Variants in RETSAT observed in about 807,000 individuals in gnomAD.
RETSAT encodes the protein all-trans-retinol 13,14-reductase.
A neutral mutation model predicts 61.6 loss-of-function variants in RETSAT; 35 were observed. That is an observed-to-expected ratio of 0.57 (90% CI 0.43 to 0.75). The LOEUF is 0.75. Among genes scored for constraint, RETSAT ranks in the 30% least tolerant of loss-of-function variants. The pLI, the probability that RETSAT is intolerant of heterozygous loss-of-function variation, is 0.00. For missense variants in RETSAT, 670 were observed against 759.5 expected (o/e 0.88, Z 1.38); for synonymous variants, 277 against 310.4 (o/e 0.89, Z 1.13).
In RETSAT at chr2:85,349,996, G is replaced by A. The variant is rs138751263; in HGVS notation, c.799+44C>T. The A allele has an allele frequency of 2.7e-5, 43 of 1,563,732 alleles. No individual in the cohort carries two copies. In the Admixed American group the frequency reaches 3.5e-4, roughly 13 times the overall value. ...AAGATTGAGAGATGAGAGGGCAGCCGTTCCTCCTCCAGAAGCTGCCCAGAG... is the reference window on the plus strand; with the variant it reads ...AAGATTGAGAGATGAGAGGGCAGCCATTCCTCCTCCAGAAGCTGCCCAGAG... On this transcript the variant is annotated intron_variant, in intron 4 of 10. Coordinates refer to ENST00000295802, the MANE Select transcript of RETSAT (RefSeq NM_017750.4).
rs961512775 is a variant in RETSAT, at chr2:85,349,324, C to T, written c.997+60G>A. ...TACTCCTTCTGGTCTCAGGGAGACC[C>T]CAGGTCTCGCCCACACCAACCCAGG... On this transcript the variant is annotated intron_variant, in intron 5 of 10. Transcript: ENST00000295802. The T allele has an allele frequency of 7.8e-6, 12 of 1,544,648 alleles. No individual in the cohort carries two copies. In the African/African-American group the frequency reaches 1.5e-4, roughly 20 times the overall value.
intron 5 of RETSAT, among the ~76,000 whole-genome samples, chr2:85,346,374 G>A (rs1683202953): frequency 1.3e-5 from 2 of 152,198 alleles, no homozygotes; most frequent in Admixed American, 1.3e-4. Context: ...CCAAATCCCA[G>A]ACAAAGCTCA....
chr2:85,343,842 C>A (rs1191564804), intron 9 of RETSAT, 44 bp from the exon 10 acceptor site: 4 of 1,608,018 alleles, frequency 2.5e-6, no homozygotes. Context: ...ATCCTGGCTC[C>A]CCTCCCTCTT....
rs773444990 is a variant in RETSAT at position 85,351,830 on chromosome 2, C to A, written c.205G>T (p.Asp69Tyr). Reference sequence around the variant, plus strand: ...AAGCCACTGCCAATTACCACCACATCCAGCTTCTCCGGCACTTGGTTGGCT... The same window carrying A: ...AAGCCACTGCCAATTACCACCACATACAGCTTCTCCGGCACTTGGTTGGCT... ...FSANQVPEKL[D>Y]VVVIGSGFGG... The change falls in exon 2 of 11, where the codon GAT (aspartate) becomes TAT (tyrosine). Residue 69 changes from aspartate to tyrosine, a missense_variant. Transcript: ENST00000295802. 4.3e-6 allele frequency: 7 copies of A among 1,613,976 alleles called. No individual in the cohort carries two copies. The Admixed American group carries it at 1.2e-4, about 27-fold the overall frequency.
Position 85,351,035 on chromosome 2 carries a change from G to A in RETSAT, c.356-14C>T, listed in dbSNP as rs1683290808. ...TGTAATGGATTCCTGTTGGGAGATG[G>A]AAAAACAAGGTAGTAAAGGGATATG... On this transcript the variant is annotated splice_polypyrimidine_tract_variant and intron_variant, in intron 2 of 10. Transcript: ENST00000295802. 1 of 1,613,544 alleles carries A rather than the reference G, an allele frequency of 6.2e-7. No individual in the cohort carries two copies. Among genetic ancestry groups the A allele is most frequent in the Non-Finnish European group, 8.5e-7 (1 of 1,179,838 alleles).
At chr2:85,346,930 A>T (rs1484349953) in intron 5 of RETSAT, among the ~76,000 whole-genome samples, 1 of 152,196 alleles carries the variant, frequency 6.6e-6, no homozygotes. Context: ...CTAAACTATT[A>T]GGCAGAACCA....
chr2:85,345,335 C>T (rs988605167), intron 6 of RETSAT, among the ~76,000 whole-genome samples: 5 of 152,208 alleles, frequency 3.3e-5, no homozygotes, highest in Non-Finnish European at 7.3e-5. Context: ...CTCTGCTGTC[C>T]CCTTCCCCGG....
intron 1 of RETSAT, among the ~76,000 whole-genome samples, chr2:85,353,839 T>C (rs1460753315): frequency 6.6e-6 from 1 of 152,220 alleles, no homozygotes; most frequent in Non-Finnish European, 1.5e-5. Flanking sequence ...AGGCGCCTTG[T>C]TGAACCTCTG....
At chr2:85,348,630 CAAAAAAA>C (rs11400450) in intron 5 of RETSAT, among the ~76,000 whole-genome samples, 1 of 43,898 alleles carries the variant, frequency 2.3e-5, no homozygotes, top group Non-Finnish European at 5.5e-5. Context: ...GACTCCAACT[CAAAAAAA>C]AAAAAAAAAA....
chr2:85,352,835 C>T (rs1185333395), intron 1 of RETSAT, among the ~76,000 whole-genome samples: 1 of 152,168 alleles, frequency 6.6e-6, no homozygotes, highest in Non-Finnish European at 1.5e-5. Context: ...CCAGCCCCTC[C>T]CATAGGGAAG....
chr2:85,351,649 T>C (rs367760726), intron 2 of RETSAT, 31 bp downstream of exon 2: 2 of 1,601,226 alleles, frequency 1.2e-6, no homozygotes, highest in African/African-American at 2.7e-5. Context: ...CATACAGCCA[T>C]GCTCCCAACC....
At position 85,343,262 on chromosome 2, in the gene RETSAT, C is replaced by T. The variant is rs753331463; in HGVS notation, c.1813G>A (p.Ala605Thr). The T allele has an allele frequency of 2.2e-5, 36 of 1,614,084 alleles. No homozygotes were observed. The highest frequency in any genetic ancestry group is 2.9e-5 in the Non-Finnish European group (34 of 1,179,992). ...TGGAACTAATTCTTTTTCTTCTGTG[C>T]CCGGATCCTAGAATCAAGATTCTTA... ...DLKNLDSRIR[A>T]QKKKN The change falls in exon 11 of 11, where the codon GCA (alanine) becomes ACA (threonine). Residue 605 changes from alanine (A) to threonine (T), a missense_variant. Transcript: ENST00000295802.
chr2:85,346,852 C>T (rs1276356939), intron 5 of RETSAT, among the ~76,000 whole-genome samples: 1 of 152,220 alleles, frequency 6.6e-6, no homozygotes, highest in African/African-American at 2.4e-5. Flanking sequence ...CTTACAGCAG[C>T]CTGTGCAATG....
At chr2:85,351,603 G>C (rs76547976) in intron 2 of RETSAT, 77 bp downstream of exon 2, 3 of 1,401,326 alleles carry the variant, frequency 2.1e-6, no homozygotes, top group African/African-American at 2.9e-5. Context: ...GAAATGCTCA[G>C]TATCACCCCA....
chr2:85,348,816 T>C (rs1042533039), intron 5 of RETSAT, among the ~76,000 whole-genome samples: 1 of 150,888 alleles, frequency 6.6e-6, no homozygotes, highest in African/African-American at 2.4e-5. Flanking sequence ...GGTGGCGTGA[T>C]CTCAGCTCAC....
In RETSAT at chr2:85,346,113, G is replaced by A; in HGVS notation, c.998-19C>T. The A allele has an allele frequency of 6.2e-7, 1 of 1,604,414 alleles. No homozygotes were observed. The highest frequency in any genetic ancestry group is 1.1e-5 in the South Asian group (1 of 90,266). ...CTGACACCTGCAGGCACAAGAGCTT[G>A]GCTGAGGGTCTGTGAGCTCTGGGAT... is the stretch of plus-strand genomic sequence containing the variant. On this transcript the variant is annotated intron_variant, in intron 5 of 10. Coordinates refer to ENST00000295802, the MANE Select transcript of RETSAT (RefSeq NM_017750.4).
rs138110856 is a variant in RETSAT, at chr2:85,349,456, G to A, written c.925C>T (p.Arg309Trp). 106 of 1,614,156 alleles carry A rather than the reference G, an allele frequency of 6.6e-5. No individual in the cohort carries two copies. In the East Asian group the frequency reaches 1.6e-3, roughly 25 times the overall value. ...IAFHTIPVIQ[R>W]AGGAVLTKAT... The stretch of plus-strand genomic sequence containing the variant: ...TTTGTGAGGACAGCGCCCCCAGCCC[G>A]CTGAATCACAGGGATGGTGTGGAAG... Residue 309 changes from arginine (R) to tryptophan (W), a missense_variant, in exon 5 of 11, where the codon CGG becomes TGG. Arg to Trp is a moderately radical substitution (Grantham distance 101). Transcript: ENST00000295802.
intron 4 of RETSAT, 30 bp from the exon 5 acceptor site, chr2:85,349,611 G>C: frequency 6.4e-7 from 1 of 1,571,314 alleles, no homozygotes. Context: ...TGGTGAGCTG[G>C]CAAGAGAAGG....
chr2:85,343,263 C>T lies in RETSAT; in HGVS notation c.1812G>A (p.Arg604=), dbSNP rs1683118130. ...GGAACTAATTCTTTTTCTTCTGTGCCCGGATCCTAGAATCAAGATTCTTAA... is the reference window on the plus strand; with the variant it reads ...GGAACTAATTCTTTTTCTTCTGTGCTCGGATCCTAGAATCAAGATTCTTAA... ...SDLKNLDSRI[R]AQKKKN is the part of the protein sequence containing the mutation. The change falls in exon 11 of 11, where the codon CGG becomes CGA. Residue 604 remains arginine (R), a synonymous_variant. Coordinates refer to ENST00000295802, the MANE Select transcript of RETSAT (RefSeq NM_017750.4). 6.2e-7 allele frequency: 1 copy of T among 1,614,224 alleles called. No homozygotes were observed. Among genetic ancestry groups the T allele is most frequent in the Non-Finnish European group, 8.5e-7 (1 of 1,180,008 alleles).
Sources: gnomAD v4.1 joint callset for allele counts (sites outside exome capture counted in the v4.1 genomes callset) on GRCh38, gnomAD v4.1.1 for gene constraint, MANE v1.5 for transcripts, NCBI Gene and HGNC (gene_info 2026-07-23, HGNC 2026-07-21) for gene names.